CPQ: variants seen among roughly 807,000 people sequenced by gnomAD.
CPQ encodes carboxypeptidase Q.
In CPQ, 37 loss-of-function variants were observed where a neutral mutation model predicts 45.7. The observed-to-expected ratio is 0.81, with a 90% CI of 0.62 to 1.07. The LOEUF (loss-of-function observed/expected upper bound fraction) is 1.07, where lower values mean the gene tolerates loss of function less well. Ranked by LOEUF, CPQ falls within the 50% of genes least tolerant of loss-of-function variation. CPQ has a pLI of 0.00. For missense variants in CPQ, 537 were observed against 572.9 expected, an observed-to-expected ratio of 0.94 and a Z score of 0.64; for synonymous variants, 186 against 205.8, an observed-to-expected ratio of 0.90 and a Z score of 0.82.
chr8:96,691,389 G>T (rs1809303295), intron 1 of CPQ, among the ~76,000 whole-genome samples: 1 of 152,102 alleles, frequency 6.6e-6, no homozygotes, highest in South Asian at 2.1e-4. Context: ...AATTATATCT[G>T]TAAAGTCCCT....
intron 7 of CPQ, among the ~76,000 whole-genome samples, chr8:97,122,402 C>A (rs1219243582): frequency 6.6e-6 from 1 of 152,052 alleles, no homozygotes; most frequent in Admixed American, 6.5e-5. Flanking sequence ...GAACAAAAAT[C>A]TGCCCACCTA....
At chr8:97,008,786 A>C (rs1429009684) in intron 5 of CPQ, among the ~76,000 whole-genome samples, 1 of 152,230 alleles carries the variant, frequency 6.6e-6, no homozygotes, top group South Asian at 2.1e-4. Context: ...TGTGAGGTTC[A>C]AAAAGTAAAG....
At chr8:96,914,881 GT>G (rs1338989391) in intron 4 of CPQ, among the ~76,000 whole-genome samples, 1 of 152,242 alleles carries the variant, frequency 6.6e-6, no homozygotes, top group Non-Finnish European at 1.5e-5. Context: ...ATACTGACTT[GT>G]GGGATACATT....
At chr8:96,820,539 C>G (rs1811287090) in intron 2 of CPQ, among the ~76,000 whole-genome samples, 1 of 151,912 alleles carries the variant, frequency 6.6e-6, no homozygotes, top group Non-Finnish European at 1.5e-5. Context: ...TTTTAGCTCC[C>G]ACATGTGAGT....
intron 1 of CPQ, among the ~76,000 whole-genome samples, chr8:96,660,922 T>C (rs1586348614): frequency 6.6e-6 from 1 of 152,204 alleles, no homozygotes; most frequent in African/African-American, 2.4e-5. Flanking sequence ...TATTTTACTT[T>C]ATATAAGTAC....
At chr8:97,044,812 T>C (rs527481375) in intron 6 of CPQ, among the ~76,000 whole-genome samples, 48 of 152,316 alleles carry the variant, frequency 3.2e-4, no homozygotes, top group Admixed American at 2.0e-3. Flanking sequence ...TTTCGTGAAC[T>C]GCGAATGCTG....
At chr8:96,661,333 A>G (rs1230788328) in intron 1 of CPQ, among the ~76,000 whole-genome samples, 7 of 152,020 alleles carry the variant, frequency 4.6e-5, no homozygotes, top group Non-Finnish European at 8.8e-5. Flanking sequence ...GAACCCATAT[A>G]GACATATCAT....
chr8:96,808,794 C>T (rs1243206048), intron 2 of CPQ, among the ~76,000 whole-genome samples: 1 of 152,082 alleles, frequency 6.6e-6, no homozygotes, highest in Non-Finnish European at 1.5e-5. Context: ...TTTCCTCACC[C>T]TCAAATGAGG....
intron 3 of CPQ, among the ~76,000 whole-genome samples, chr8:96,848,907 A>C (rs1811734668): frequency 6.6e-6 from 1 of 152,118 alleles, no homozygotes; most frequent in Admixed American, 6.5e-5. Flanking sequence ...ATCTTTTCTC[A>C]AGGTGATGTA....
intron 4 of CPQ, among the ~76,000 whole-genome samples, chr8:96,899,620 G>A (rs544615305): frequency 3.9e-4 from 59 of 152,062 alleles, no homozygotes; most frequent in Non-Finnish European, 6.9e-4. Flanking sequence ...TGGGAGGAGA[G>A]GTGCCACACA....
intron 1 of CPQ, among the ~76,000 whole-genome samples, chr8:96,723,744 G>T (rs1178083192): frequency 3.3e-5 from 5 of 152,032 alleles, no homozygotes; most frequent in Admixed American, 6.6e-5. Flanking sequence ...GTAGATGTTG[G>T]TTAGCAACTG....
intron 6 of CPQ, among the ~76,000 whole-genome samples, chr8:97,046,403 T>A (rs1334252970): frequency 1.3e-5 from 2 of 152,190 alleles, no homozygotes; most frequent in African/African-American, 4.8e-5. Context: ...GTTTCAGGGT[T>A]GTCTTAAAGG....
intron 3 of CPQ, among the ~76,000 whole-genome samples, chr8:96,839,988 AG>A (rs1428486691): frequency 5.2e-5 from 4 of 77,332 alleles, no homozygotes; most frequent in African/African-American, 2.2e-4. Context: ...TGAAAGAACT[AG>A]GATTCAAACT....
intron 4 of CPQ, among the ~76,000 whole-genome samples, chr8:96,925,713 C>T (rs1193988135): frequency 4.6e-5 from 6 of 131,262 alleles, no homozygotes; most frequent in Admixed American, 2.5e-4. Flanking sequence ...TTTTTTGAGA[C>T]GGAGTCTTGC....
At chr8:96,720,276 TA>T (rs200886695) in intron 1 of CPQ, among the ~76,000 whole-genome samples, 4 of 152,222 alleles carry the variant, frequency 2.6e-5, no homozygotes, top group South Asian at 2.1e-4. Context: ...ATTACTTTTT[TA>T]AAAAAAACTG....
chr8:97,040,714 T>G (rs985067747), intron 6 of CPQ, among the ~76,000 whole-genome samples: 7 of 151,944 alleles, frequency 4.6e-5, no homozygotes, highest in African/African-American at 1.7e-4. Context: ...CTAGCCAGTT[T>G]TCCCAGCACC....
At chr8:96,956,175 T>A (rs1813354534) in intron 4 of CPQ, among the ~76,000 whole-genome samples, 1 of 152,208 alleles carries the variant, frequency 6.6e-6, no homozygotes, top group Admixed American at 6.5e-5. Context: ...GTTATGTTTT[T>A]AAAATAATTA....
intron 1 of CPQ, among the ~76,000 whole-genome samples, chr8:96,771,088 A>G: frequency 6.8e-6 from 1 of 146,256 alleles, no homozygotes; most frequent in Non-Finnish European, 1.5e-5. Context: ...CAATATATAT[A>G]TATTATATAT....
At chr8:97,091,888 G>C (rs1811132988) in intron 7 of CPQ, among the ~76,000 whole-genome samples, 1 of 146,246 alleles carries the variant, frequency 6.8e-6, no homozygotes, top group Non-Finnish European at 1.5e-5. Flanking sequence ...GGATGGCAGA[G>C]AGAGAGAGAG....
Sources: gnomAD v4.1 joint callset for allele counts (sites outside exome capture counted in the v4.1 genomes callset) on GRCh38, gnomAD v4.1.1 for gene constraint, MANE v1.5 for transcripts, NCBI Gene and HGNC (gene_info 2026-07-23, HGNC 2026-07-21) for gene names.